Variants in NRXN1 observed in about 807,000 individuals in gnomAD.
NRXN1 encodes the protein neurexin 1, also known as neurexin-1.
In NRXN1, 39 loss-of-function variants were observed where a neutral mutation model predicts 150.9. The observed-to-expected ratio is 0.26, with a 90% CI of 0.20 to 0.34. NRXN1 has a LOEUF of 0.34. NRXN1 is among the 10% of genes least tolerant of loss of function. The pLI, the probability that NRXN1 is intolerant of heterozygous loss-of-function variation, is 1.00. For missense variants in NRXN1, 1,815 were observed against 1,949.9 expected, an observed-to-expected ratio of 0.93 and a Z score of 1.30; for synonymous variants, 924 against 757.0, an observed-to-expected ratio of 1.22 and a Z score of -3.62.
chr2:50,452,780 C>T (rs2087100489), intron 17 of NRXN1, among the ~76,000 whole-genome samples: 1 of 152,144 alleles, frequency 6.6e-6, no homozygotes, highest in Non-Finnish European at 1.5e-5. Flanking sequence ...AATCTCTTTA[C>T]AGACAAGGAT....
intron 19 of NRXN1, among the ~76,000 whole-genome samples, chr2:50,083,572 G>C (rs115072310): frequency 2.6e-5 from 4 of 152,148 alleles, no homozygotes; most frequent in African/African-American, 9.7e-5. Flanking sequence ...AAAAGAACAA[G>C]GCTTCCACAA....
intron 8 of NRXN1, among the ~76,000 whole-genome samples, chr2:50,599,427 A>C (rs1287773863): frequency 6.6e-6 from 1 of 152,220 alleles, no homozygotes; most frequent in Admixed American, 6.5e-5. Flanking sequence ...TCTCGGTTCA[A>C]TGCTCAACTA....
At chr2:50,386,772 G>A (rs1176426264) in intron 17 of NRXN1, among the ~76,000 whole-genome samples, 2 of 152,112 alleles carry the variant, frequency 1.3e-5, no homozygotes, top group Non-Finnish European at 2.9e-5. Context: ...TGAGAATACT[G>A]GGCTACGCAG....
At chr2:50,509,839 G>C (rs745744945) in intron 12 of NRXN1, among the ~76,000 whole-genome samples, 6 of 152,206 alleles carry the variant, frequency 3.9e-5, no homozygotes, top group Non-Finnish European at 7.4e-5. Context: ...AATTCACTAT[G>C]TTGAATTTCT....
intron 18 of NRXN1, among the ~76,000 whole-genome samples, chr2:50,114,916 C>T (rs138737049): frequency 2.8e-3 from 425 of 151,722 alleles, no homozygotes; most frequent in Middle Eastern, 6.8e-3. Context: ...GAATGTACTC[C>T]GTGTGATATT....
intron 19 of NRXN1, among the ~76,000 whole-genome samples, chr2:50,075,618 T>C (rs1483243932): frequency 2.6e-5 from 4 of 152,236 alleles, no homozygotes; most frequent in Admixed American, 6.5e-5. Flanking sequence ...GTTCCTATTA[T>C]ATAGGAGTAA....
chr2:50,052,240 G>C (rs76907315), intron 21 of NRXN1, among the ~76,000 whole-genome samples: 6 of 152,172 alleles, frequency 3.9e-5, no homozygotes, highest in African/African-American at 1.4e-4. Context: ...TGCTTCTTCA[G>C]AATGCATTTT....
intron 5 of NRXN1, among the ~76,000 whole-genome samples, chr2:50,634,951 C>T (rs1405129513): frequency 6.6e-6 from 1 of 152,118 alleles, no homozygotes. Flanking sequence ...GAGAGAAATT[C>T]ATCTGTCTCA....
At chr2:50,891,913 A>G (rs1398761749) in intron 5 of NRXN1, among the ~76,000 whole-genome samples, 1 of 152,096 alleles carries the variant, frequency 6.6e-6, no homozygotes, top group Admixed American at 6.6e-5. Context: ...AGTGCCTACT[A>G]CATATGCCAT....
rs978823826 is a variant in NRXN1, at chr2:50,769,860, C to T, written c.833-146245G>A. Among the ~76,000 whole-genome samples, 49 of 152,012 alleles carry T rather than the reference C, an allele frequency of 3.2e-4. 1 individual carries two copies. The highest frequency in any genetic ancestry group is 2.4e-3 in the Admixed American group (37 of 15,240). ...AGCCTAGACAAAATAAAGAAAAATT[C>T]GTTCAGCATCAGGCGTAGAATTCAG... On this transcript the variant is annotated intron_variant, in intron 5 of 22. Coordinates refer to ENST00000401669, the MANE Select transcript of NRXN1 (RefSeq NM_001330078.2).
At chr2:50,107,539 A>ATATATGTATATAT (rs59921941) in intron 18 of NRXN1, among the ~76,000 whole-genome samples, 2 of 129,884 alleles carry the variant, frequency 1.5e-5, no homozygotes, top group Non-Finnish European at 3.2e-5. Context: ...ATATATATAT[A>ATATATGTATATAT]TTTTTTTTTT....
intron 8 of NRXN1, among the ~76,000 whole-genome samples, chr2:50,554,204 T>C (rs1242494647): frequency 1.3e-5 from 2 of 152,172 alleles, no homozygotes; most frequent in African/African-American, 4.8e-5. Context: ...TTTTTCATTT[T>C]TCAGGAATGG....
At chr2:50,980,774 A>C (rs886913915) in intron 2 of NRXN1, among the ~76,000 whole-genome samples, 3 of 152,174 alleles carry the variant, frequency 2.0e-5, no homozygotes, top group Non-Finnish European at 4.4e-5. Context: ...TAAACCTATC[A>C]TTCCAGAGAG....
rs549675768 is a variant in NRXN1 at position 50,742,355 on chromosome 2, G to C, written c.833-118740C>G. On this transcript the variant is annotated intron_variant, in intron 5 of 22. Coordinates refer to ENST00000401669, the MANE Select transcript of NRXN1 (RefSeq NM_001330078.2). ...TTCTGCTATCCAAATGATTTGGTTT[G>C]CTTTACAGAAACCCAAGTTTGGCAC... 1.6e-3 allele frequency among the ~76,000 whole-genome samples: 236 copies of C among 151,576 alleles called. 2 individuals are homozygous for C. Among genetic ancestry groups the C allele is most frequent in the Middle Eastern group, 6.8e-3 (2 of 294 alleles).
chr2:50,116,082 A>G (rs1337719718), intron 18 of NRXN1, among the ~76,000 whole-genome samples: 1 of 152,132 alleles, frequency 6.6e-6, no homozygotes, highest in African/African-American at 2.4e-5. Flanking sequence ...TGTGACTAAC[A>G]AATTTTAATA....
chr2:50,701,476 A>C (rs1398847557), intron 5 of NRXN1, among the ~76,000 whole-genome samples: 4 of 152,124 alleles, frequency 2.6e-5, no homozygotes, highest in African/African-American at 7.2e-5. Flanking sequence ...GGAAAATTAA[A>C]CCTTTTGCCT....
At chr2:50,895,355 A>G (rs1681759943) in intron 5 of NRXN1, among the ~76,000 whole-genome samples, 1 of 152,112 alleles carries the variant, frequency 6.6e-6, no homozygotes, top group South Asian at 2.1e-4. Context: ...TACATATTGG[A>G]TATTTTTCCC....
chr2:50,496,363 G>A (rs1444455231), intron 14 of NRXN1, among the ~76,000 whole-genome samples: 1 of 152,150 alleles, frequency 6.6e-6, no homozygotes, highest in Non-Finnish European at 1.5e-5. Context: ...AATTTGGAAA[G>A]CAATATCTTT....
chr2:50,651,472 A>AACATGACATGACATGACATG (rs59984890), intron 5 of NRXN1, among the ~76,000 whole-genome samples: 7 of 149,616 alleles, frequency 4.7e-5, no homozygotes, highest in East Asian at 4.0e-4. Flanking sequence ...AACATAACGT[A>AACATGACATGACATGACATG]ACATGACATG....
Sources: allele counts gnomAD v4.1 joint callset (sites outside exome capture counted in the v4.1 genomes callset), GRCh38; gene constraint gnomAD v4.1.1; transcripts MANE v1.5; gene names NCBI Gene and HGNC (gene_info 2026-07-23, HGNC 2026-07-21).